The following F2RL1 variants were observed in gnomAD, a reference collection of about 807,000 sequenced individuals.
F2RL1 encodes proteinase-activated receptor 2.
Under a neutral mutation model 21.7 loss-of-function variants are expected in F2RL1, and 16 were observed. That is an observed-to-expected ratio of 0.74 (90% CI 0.50 to 1.12). The LOEUF (loss-of-function observed/expected upper bound fraction) is 1.12. Among genes scored for constraint, F2RL1 ranks in the 50% most tolerant of loss-of-function variants. F2RL1 has a pLI of 0.00. For missense variants in F2RL1, 432 were observed against 477.8 expected (o/e 0.90, Z 0.89); for synonymous variants, 181 against 186.7 (o/e 0.97, Z 0.25).
In F2RL1 at chr5:76,819,170, G is replaced by C; in HGVS notation, c.-13G>C. 6.4e-7 allele frequency: 1 copy of C among 1,571,996 alleles called. No individual in the cohort carries two copies. Among genetic ancestry groups the C allele is most frequent in the Non-Finnish European group, 8.6e-7 (1 of 1,168,258 alleles). Reference sequence around the variant, plus strand: ...GGATTCCCCGCGCGCCCGGCGTCGGGGCTTCCAGGAGGATGCGGAGCCCCA... The same window carrying C: ...GGATTCCCCGCGCGCCCGGCGTCGGCGCTTCCAGGAGGATGCGGAGCCCCA... On this transcript the variant is annotated 5_prime_UTR_variant, in exon 1 of 2. Coordinates refer to ENST00000296677, the MANE Select transcript of F2RL1 (RefSeq NM_005242.6).
At chr5:76,820,502 T>A (rs115454591) in intron 1 of F2RL1, among the ~76,000 whole-genome samples, 2,011 of 152,094 alleles carry the variant, frequency 0.013, 44 homozygotes, top group African/African-American at 0.047. Context: ...GCTGGTATAT[T>A]TTTTTTTCTT....
chr5:76,833,755 C>T lies in F2RL1; in HGVS notation c.1148C>T (p.Ser383Phe), dbSNP rs1217782543. The T allele has an allele frequency of 1.9e-6, 3 of 1,614,038 alleles. No homozygotes were observed. The highest frequency in any genetic ancestry group is 4.5e-5 in the East Asian group (2 of 44,852). Residue 383 changes from serine (S) to phenylalanine (F), a missense_variant, in exon 2 of 2, where the codon TCC becomes TTC. Coordinates refer to ENST00000296677, the MANE Select transcript of F2RL1 (RefSeq NM_005242.6). ...SLTSKKHSRK[S>F]SSYSSSSTTV... ...ACCTCAAAGAAACACTCCAGGAAAT[C>T]CAGCTCTTACTCTTCAAGTTCAACC...
rs894951470 is a variant in F2RL1, at chr5:76,830,582, T to C, written c.83-2108T>C. Among the ~76,000 whole-genome samples, 16 of 152,176 alleles carry C rather than the reference T, an allele frequency of 1.1e-4. 1 individual carries two copies. Among genetic ancestry groups the C allele is most frequent in the African/African-American group, 3.9e-4 (16 of 41,458 alleles). On this transcript the variant is annotated intron_variant, in intron 1 of 1. Transcript: ENST00000296677. ...TGAGACACCACGCCAGGCCTCTGCC[T>C]TTATCTTAGAAACGACACTTGTCAT...
intron 1 of F2RL1, among the ~76,000 whole-genome samples, chr5:76,820,661 G>A (rs1489833414): frequency 6.6e-6 from 1 of 152,154 alleles, no homozygotes; most frequent in Non-Finnish European, 1.5e-5. Flanking sequence ...TGTTGGTATA[G>A]CTGATTCAAC....
chr5:76,823,571 A>AT (rs1750182863), intron 1 of F2RL1, among the ~76,000 whole-genome samples: 1 of 151,656 alleles, frequency 6.6e-6, no homozygotes, highest in South Asian at 2.1e-4. Flanking sequence ...TAAAGCCAGA[A>AT]TTTTGCCATG....
intron 1 of F2RL1, among the ~76,000 whole-genome samples, chr5:76,823,353 G>A (rs899442450): frequency 6.9e-6 from 1 of 144,608 alleles, no homozygotes; most frequent in African/African-American, 2.5e-5. Context: ...CTCGGGTTTT[G>A]TTTGTTTGGT....
intron 1 of F2RL1, among the ~76,000 whole-genome samples, chr5:76,832,443 AG>A (rs1750365353): frequency 6.6e-6 from 1 of 152,148 alleles, no homozygotes; most frequent in African/African-American, 2.4e-5. Flanking sequence ...CTCTACAAAA[AG>A]TAAAAAATTA....
rs777748504 is a variant in F2RL1, at chr5:76,833,308, T to C, written c.701T>C (p.Leu234Pro). The part of the protein sequence containing the change: ...TTCHDVLPEQ[L>P]LVGDMFNYFL... ...TGTCATGATGTTTTGCCTGAGCAGC[T>C]CTTGGTGGGAGACATGTTCAATTAC... The change falls in exon 2 of 2, where the codon CTC becomes CCC. Residue 234 changes from leucine (L) to proline (P), a missense_variant. Leu to Pro is a moderately conservative substitution (Grantham distance 98). Coordinates refer to ENST00000296677, the MANE Select transcript of F2RL1 (RefSeq NM_005242.6). The C allele has an allele frequency of 3.1e-6, 5 of 1,613,920 alleles. No individual in the cohort carries two copies. The highest frequency in any genetic ancestry group is 4.2e-6 in the Non-Finnish European group (5 of 1,180,008).
rs748796805 is a variant in F2RL1 at position 76,819,201 on chromosome 5, G to C, written c.19G>C (p.Ala7Pro). The C allele has an allele frequency of 3.1e-6, 5 of 1,587,878 alleles. No individual in the cohort carries two copies. The highest frequency in any genetic ancestry group is 3.4e-6 in the Non-Finnish European group (4 of 1,176,034). MRSPSA[A>P]WLLGAAILLA... ...CAGGAGGATGCGGAGCCCCAGCGCGGCGTGGCTGCTGGGGGCCGCCATCCT... is the reference window on the plus strand; with the variant it reads ...CAGGAGGATGCGGAGCCCCAGCGCGCCGTGGCTGCTGGGGGCCGCCATCCT... Residue 7 changes from alanine (A) to proline (P), a missense_variant, in exon 1 of 2, where the codon GCG becomes CCG. Physicochemically the swap from Ala to Pro is conservative, Grantham distance 27 (BLOSUM62 -1). Coordinates refer to ENST00000296677, the MANE Select transcript of F2RL1 (RefSeq NM_005242.6).
At chr5:76,826,530 T>C (rs1750241447) in intron 1 of F2RL1, among the ~76,000 whole-genome samples, 1 of 152,140 alleles carries the variant, frequency 6.6e-6, no homozygotes, top group South Asian at 2.1e-4. Flanking sequence ...TTTTTTTTTT[T>C]TGAGACAGAG....
At position 76,833,826 on chromosome 5, in the gene F2RL1, T is replaced by C. The variant is rs770958350; in HGVS notation, c.*25T>C. ...AGTTTTCCAGGTCCTCAGATGGGAA[T>C]TGCACAGTAGGATGTGGAACCTGTT... is the stretch of plus-strand genomic sequence containing the variant. On this transcript the variant is annotated 3_prime_UTR_variant, in exon 2 of 2. Transcript: ENST00000296677. The C allele has an allele frequency of 8.7e-6, 14 of 1,604,802 alleles. No individual in the cohort carries two copies. In the South Asian group the frequency reaches 1.3e-4, roughly 15 times the overall value.
intron 1 of F2RL1, among the ~76,000 whole-genome samples, 195 bp downstream of exon 1, chr5:76,819,459 C>G (rs1469073273): frequency 1.3e-5 from 2 of 152,130 alleles, no homozygotes; most frequent in East Asian, 1.9e-4. Context: ...GTGGGACATG[C>G]GGGAGCAGCT....
At chr5:76,826,818 T>C (rs1750248212) in intron 1 of F2RL1, among the ~76,000 whole-genome samples, 1 of 152,134 alleles carries the variant, frequency 6.6e-6, no homozygotes, top group Admixed American at 6.6e-5. Context: ...ATGGATATAC[T>C]GCTTTTTATT....
At chr5:76,819,342 G>C (rs1463216876) in intron 1 of F2RL1, 78 bp downstream of exon 1, 4 of 1,285,850 alleles carry the variant, frequency 3.1e-6, no homozygotes, top group Non-Finnish European at 4.3e-6. Flanking sequence ...GGTGGGATCC[G>C]GGCAGGTGTG....
chr5:76,829,056 C>T (rs1428531146), intron 1 of F2RL1, among the ~76,000 whole-genome samples: 1 of 151,366 alleles, frequency 6.6e-6, no homozygotes, highest in Non-Finnish European at 1.5e-5. Context: ...ACGGAGGTTG[C>T]AGTGAACCAA....
At chr5:76,827,683 TC>T (rs1750269452) in intron 1 of F2RL1, among the ~76,000 whole-genome samples, 1 of 132,042 alleles carries the variant, frequency 7.6e-6, no homozygotes, top group South Asian at 2.7e-4. Flanking sequence ...CACTGCAACC[TC>T]CGCCTCCCAA....
chr5:76,824,526 A>G (rs1268018495), intron 1 of F2RL1, among the ~76,000 whole-genome samples: 1 of 151,776 alleles, frequency 6.6e-6, no homozygotes, highest in Non-Finnish European at 1.5e-5. Flanking sequence ...ACGGGGTTTC[A>G]CCATGTTGGC....
intron 1 of F2RL1, among the ~76,000 whole-genome samples, chr5:76,819,744 G>A (rs1479466656): frequency 6.6e-6 from 1 of 152,044 alleles, no homozygotes; most frequent in Non-Finnish European, 1.5e-5. Flanking sequence ...GATTGCGCAG[G>A]GCAGGGCGGA....
At chr5:76,826,557 AG>A (rs1334538192) in intron 1 of F2RL1, among the ~76,000 whole-genome samples, 1 of 151,110 alleles carries the variant, frequency 6.6e-6, no homozygotes, top group Non-Finnish European at 1.5e-5. Flanking sequence ...TCTGTCACCC[AG>A]GCTGGAGTGC....
Sources: gnomAD v4.1 joint callset for allele counts (sites outside exome capture counted in the v4.1 genomes callset) on GRCh38, gnomAD v4.1.1 for gene constraint, MANE v1.5 for transcripts, NCBI Gene and HGNC (gene_info 2026-07-23, HGNC 2026-07-21) for gene names.